Variants in TRAPPC9 observed in about 807,000 individuals in gnomAD.
TRAPPC9 encodes the protein IKK2 binding protein.
In TRAPPC9, 83 loss-of-function variants were observed where a neutral mutation model predicts 124.0. The ratio of observed to expected loss-of-function variants is 0.67; its 90% CI spans 0.56 to 0.80. The LOEUF (loss-of-function observed/expected upper bound fraction) is 0.80. Among genes scored for constraint, TRAPPC9 ranks in the 30% least tolerant of loss-of-function variants. The pLI is 0.00. For missense variants in TRAPPC9, 1,302 were observed against 1,508.3 expected (o/e 0.86, Z 2.27); for synonymous variants, 638 against 617.5 (o/e 1.03, Z -0.49).
chr8:140,397,053 T>A (rs182787285), intron 7 of TRAPPC9, among the ~76,000 whole-genome samples: 2 of 152,316 alleles, frequency 1.3e-5, no homozygotes, highest in African/African-American at 4.8e-5. Context: ...GGTCTCAGTT[T>A]CCCTATCTAT....
At chr8:139,785,857 T>C (rs1477219247) in intron 21 of TRAPPC9, among the ~76,000 whole-genome samples, 2 of 151,046 alleles carry the variant, frequency 1.3e-5, no homozygotes, top group African/African-American at 4.9e-5. Flanking sequence ...AAATCATCAA[T>C]TTTATGAAGG....
At chr8:140,072,572 GA>G (rs1843233101) in intron 17 of TRAPPC9, among the ~76,000 whole-genome samples, 3 of 33,458 alleles carry the variant, frequency 9.0e-5, no homozygotes, top group Admixed American at 3.3e-4. Context: ...GAGGAGAAAG[GA>G]AGGAGGAGGA....
At chr8:140,197,957 G>C (rs1310280983) in intron 17 of TRAPPC9, among the ~76,000 whole-genome samples, 1 of 152,190 alleles carries the variant, frequency 6.6e-6, no homozygotes, top group African/African-American at 2.4e-5. Context: ...TGTGCAGCAA[G>C]ATGAGAAGGA....
At chr8:140,082,124 C>T (rs1325124517) in intron 17 of TRAPPC9, 1 of 152,210 alleles carries the variant, frequency 6.6e-6, no homozygotes, top group Non-Finnish European at 1.5e-5. Context: ...AATGTTTTGA[C>T]CCATTTCTTC....
At chr8:140,034,417 G>C (rs1272851266) in intron 17 of TRAPPC9, among the ~76,000 whole-genome samples, 1 of 152,100 alleles carries the variant, frequency 6.6e-6, no homozygotes, top group Admixed American at 6.5e-5. Context: ...CATCACCTAG[G>C]GAGTCTCTGT....
At chr8:140,345,029 C>A (rs2067300257) in intron 9 of TRAPPC9, among the ~76,000 whole-genome samples, 1 of 152,208 alleles carries the variant, frequency 6.6e-6, no homozygotes, top group Non-Finnish European at 1.5e-5. Context: ...GGCAGGGGCA[C>A]CCTGCGCCCT....
intron 5 of TRAPPC9, among the ~76,000 whole-genome samples, chr8:140,422,860 A>G (rs976384963): frequency 5.9e-5 from 9 of 152,176 alleles, no homozygotes; most frequent in Non-Finnish European, 1.2e-4. Context: ...AAGAAAATAT[A>G]GAGATGACAA....
intron 14 of TRAPPC9, among the ~76,000 whole-genome samples, chr8:140,279,876 G>C (rs1421746088): frequency 6.6e-6 from 1 of 152,236 alleles, no homozygotes; most frequent in Non-Finnish European, 1.5e-5. Context: ...AAATGACAAA[G>C]TTAAAGTACC....
At chr8:140,037,312 G>A (rs1228554434) in intron 17 of TRAPPC9, among the ~76,000 whole-genome samples, 1 of 151,824 alleles carries the variant, frequency 6.6e-6, no homozygotes, top group African/African-American at 2.4e-5. Flanking sequence ...AGTGCCTGGC[G>A]TTTGGAAAGA....
chr8:139,789,029 A>T (rs1822470974), intron 21 of TRAPPC9, among the ~76,000 whole-genome samples: 1 of 151,200 alleles, frequency 6.6e-6, no homozygotes, highest in South Asian at 2.1e-4. Context: ...TGGGAGGCTA[A>T]GAACACGGTA....
chr8:139,872,289 C>CGGATGGAT (rs1828971797), intron 21 of TRAPPC9, among the ~76,000 whole-genome samples: 1 of 51,954 alleles, frequency 1.9e-5, no homozygotes, highest in African/African-American at 7.6e-5. Flanking sequence ...GATGGATGGG[C>CGGATGGAT]GGGCTGGTAG....
chr8:139,830,184 G>A (rs1000749845), intron 21 of TRAPPC9, among the ~76,000 whole-genome samples: 6 of 152,040 alleles, frequency 3.9e-5, no homozygotes, highest in African/African-American at 7.3e-5. Flanking sequence ...GCACACACAT[G>A]TATACAAACA....
chr8:139,956,595 T>C (rs182296201), intron 19 of TRAPPC9, among the ~76,000 whole-genome samples: 244 of 152,336 alleles, frequency 1.6e-3, no homozygotes, highest in Non-Finnish European at 2.6e-3. Context: ...CTCCTAGGAA[T>C]TGTTTCCAAT....
intron 19 of TRAPPC9, among the ~76,000 whole-genome samples, chr8:139,917,167 C>CTTTTTTTTTGTTTTTTTT (rs1832196198): frequency 1.0e-5 from 1 of 99,926 alleles, no homozygotes; most frequent in Non-Finnish European, 1.8e-5. Context: ...TTATTATTTT[C>CTTTTTTTTTGTTTTTTTT]TTTTTTTTTT....
intron 7 of TRAPPC9, among the ~76,000 whole-genome samples, chr8:140,388,088 C>G (rs1588263459): frequency 6.6e-6 from 1 of 151,652 alleles, no homozygotes; most frequent in South Asian, 2.1e-4. Flanking sequence ...ATGGATGAAG[C>G]TGGAAACCAT....
chr8:139,773,967 A>G (rs912842910), intron 21 of TRAPPC9, among the ~76,000 whole-genome samples: 2 of 152,200 alleles, frequency 1.3e-5, no homozygotes, highest in African/African-American at 4.8e-5. Flanking sequence ...ACAGCGGTCG[A>G]CCCTACGAAG....
At chr8:140,289,210 T>G (rs1160317123) in intron 12 of TRAPPC9, among the ~76,000 whole-genome samples, 5 of 137,472 alleles carry the variant, frequency 3.6e-5, no homozygotes, top group Non-Finnish European at 8.1e-5. Flanking sequence ...TGTGTGTGTG[T>G]GTGTGTTCTC....
intron 21 of TRAPPC9, among the ~76,000 whole-genome samples, chr8:139,871,487 C>T (rs1316657103): frequency 6.6e-6 from 1 of 152,202 alleles, no homozygotes. Context: ...CCAGAAGGCA[C>T]TAGGAGCACA....
chr8:140,026,159 G>A (rs926311874), intron 17 of TRAPPC9, among the ~76,000 whole-genome samples: 2 of 152,124 alleles, frequency 1.3e-5, no homozygotes, highest in Admixed American at 6.5e-5. Flanking sequence ...AGAATCAACC[G>A]TGTTGAATCG....
Sources: allele counts gnomAD v4.1 joint callset (sites outside exome capture counted in the v4.1 genomes callset), GRCh38; gene constraint gnomAD v4.1.1; transcripts MANE v1.5; gene names NCBI Gene and HGNC (gene_info 2026-07-23, HGNC 2026-07-21).